The following VAX1 variants were observed in gnomAD, a reference collection of about 807,000 sequenced individuals.
VAX1 encodes ventral anterior homeobox 1.
A neutral mutation model predicts 17.6 loss-of-function variants in VAX1; 6 were observed. That is an observed-to-expected ratio of 0.34 (90% CI 0.19 to 0.67). The LOEUF (loss-of-function observed/expected upper bound fraction) is 0.67. Among genes scored for constraint, VAX1 ranks in the 30% least tolerant of loss-of-function variants. The pLI is 0.69. For missense variants in VAX1, 408 were observed against 463.7 expected (o/e 0.88, Z 1.10); for synonymous variants, 256 against 227.4 (o/e 1.13, Z -1.13).
chr10:117,136,383 G>A lies in VAX1; in HGVS notation c.429+89C>T. On this transcript the variant is annotated intron_variant, in intron 2 of 2. Transcript: ENST00000369206. This position sits in a 1 kb window ranked among gnomAD's most constrained non-coding sequence, Gnocchi z 5.0. ...CACCTCCCAAGGGTAGTTCTGTCCA[G>A]AGCAGGTTAGGAGGTGAAGAGCAGG... The A allele has an allele frequency of 6.6e-7, 1 of 1,525,910 alleles. No individual in the cohort carries two copies. Among genetic ancestry groups the A allele is most frequent in the South Asian group, 1.2e-5 (1 of 86,764 alleles). The allele number at this position is 1,525,910 out of a possible 1,614,324, so 94.5% of individuals were successfully genotyped here.
At position 117,134,276 on chromosome 10, in the gene VAX1, G is replaced by A. The variant is rs1267022885; in HGVS notation, c.737C>T (p.Ala246Val). The change falls in exon 3 of 3, where the codon GCT becomes GTT. Residue 246 changes from alanine to valine, a missense_variant. Ala to Val is a moderately conservative substitution (Grantham distance 64). Transcript: ENST00000369206. The surrounding 1 kb of genome is among the most constrained non-coding windows in gnomAD (Gnocchi z 6.2). ...CCCGGGACCTGGAGCACCGCCCACA[G>A]CCGGCGGGTGCGGGGATGCAGCGCC... ...PAGAASPHPP[A>V]VGGAPGPGPA... The A allele has an allele frequency of 7.9e-7, 1 of 1,259,792 alleles. No homozygotes were observed. The highest frequency in any genetic ancestry group is 9.9e-7 in the Non-Finnish European group (1 of 1,007,072). The allele number at this position is 1,259,792 out of a possible 1,614,324, so 78.0% of individuals were successfully genotyped here. A position where few individuals can be genotyped will look rare whatever the true frequency, so the allele number is the denominator to read the frequency against.
At chr10:117,131,564 GC>G (rs1854084751), downstream of VAX1, 1 of 152,354 alleles carries the variant, frequency 6.6e-6, no homozygotes, top group Admixed American at 6.5e-5. Context: ...TAGGGCCGGT[GC>G]CGCACGGGAG....
At position 117,137,100 on chromosome 10, in the gene VAX1, G is replaced by C. The variant is rs751232; in HGVS notation, c.242-441C>G. Among the ~76,000 whole-genome samples, 28,830 of 146,370 alleles carry C rather than the reference G, an allele frequency of 0.2. 2,934 individuals carry two copies. The highest frequency in any genetic ancestry group is 0.32 in the East Asian group (1,490 of 4,690). On this transcript the variant is annotated intron_variant, in intron 1 of 2. Coordinates refer to ENST00000369206, the MANE Select transcript of VAX1 (RefSeq NM_001112704.2). The surrounding 1 kb of genome is among the most constrained non-coding windows in gnomAD (Gnocchi z 7.4). ...CCCACCCTCGAGTCTCCTTCCCTCC[G>C]GAGTCCGCGCGGCGGAAGGAGGAGG...
Position 117,133,843 on chromosome 10 carries a change from G to T in VAX1, c.*165C>A. 3 of 1,333,622 alleles carry T rather than the reference G, an allele frequency of 2.2e-6. No homozygotes were observed. Among genetic ancestry groups the T allele is most frequent in the Non-Finnish European group, 1.9e-6 (2 of 1,049,846 alleles). 82.6% of individuals were successfully genotyped at this position (1,333,622 alleles called of 1,614,324 possible). A position where few individuals can be genotyped will look rare whatever the true frequency, so the allele number is the denominator to read the frequency against. On this transcript the variant is annotated 3_prime_UTR_variant, in exon 3 of 3. Coordinates refer to ENST00000369206, the MANE Select transcript of VAX1 (RefSeq NM_001112704.2). ...AGGTAGTAGAAAAAAAAAATAGCCC[G>T]AATGAGATGAAATTGGTAGCAGAGT...
chr10:117,136,517 G>C lies in VAX1; in HGVS notation c.384C>G (p.Arg128=). 1 of 1,613,864 alleles carries C rather than the reference G, an allele frequency of 6.2e-7. No individual in the cohort carries two copies. The highest frequency in any genetic ancestry group is 8.5e-7 in the Non-Finnish European group (1 of 1,180,020). The part of the protein sequence containing the change: ...EFQRCQYVVG[R]ERTELARQLN... ...GCTGCCGGGCGAGCTCGGTCCTCTC[G>C]CGGCCCACCACGTACTGGCAGCGCT... Residue 128 remains arginine (R), a synonymous_variant, in exon 2 of 3, where the codon CGC becomes CGG. Coordinates refer to ENST00000369206, the MANE Select transcript of VAX1 (RefSeq NM_001112704.2). This position sits in a 1 kb window ranked among gnomAD's most constrained non-coding sequence, Gnocchi z 5.0.
chr10:117,137,776 G>C lies in VAX1; in HGVS notation c.241+40C>G, dbSNP rs755498762. 6.2e-7 allele frequency: 1 copy of C among 1,608,916 alleles called. No individual in the cohort carries two copies. The highest frequency in any genetic ancestry group is 1.1e-5 in the South Asian group (1 of 90,810). On this transcript the variant is annotated intron_variant, in intron 1 of 2. Transcript: ENST00000369206. The surrounding 1 kb of genome is among the most constrained non-coding windows in gnomAD (Gnocchi z 7.4). Reference sequence around the variant, plus strand: ...AGCGCGCAGCTCCGGCCCCGGAGTCGACCCCAAAGAACGCGCCTGGCAGCC... The same window carrying C: ...AGCGCGCAGCTCCGGCCCCGGAGTCCACCCCAAAGAACGCGCCTGGCAGCC...
rs1854152864 is a variant in VAX1, at chr10:117,134,942, T to G, written c.430-359A>C. Among the ~76,000 whole-genome samples the G allele has an allele frequency of 6.6e-6, 1 of 152,190 alleles. No homozygotes were observed. Among genetic ancestry groups the G allele is most frequent in the African/African-American group, 2.4e-5 (1 of 41,526 alleles). On this transcript the variant is annotated intron_variant, in intron 2 of 2. Coordinates refer to ENST00000369206, the MANE Select transcript of VAX1 (RefSeq NM_001112704.2). This position sits in a 1 kb window ranked among gnomAD's most constrained non-coding sequence, Gnocchi z 6.2. Reference sequence around the variant, plus strand: ...CAGCGGTGTTTGGGGCTCACAGATGTGTGAATCAGTGCAGTCCCAAAGCCG... The same window carrying G: ...CAGCGGTGTTTGGGGCTCACAGATGGGTGAATCAGTGCAGTCCCAAAGCCG...
downstream of VAX1, among the ~76,000 whole-genome samples, chr10:117,132,797 C>T (rs1854107465): frequency 6.6e-6 from 1 of 152,198 alleles, no homozygotes; most frequent in Non-Finnish European, 1.5e-5. The surrounding 1 kb of genome is among the most constrained non-coding windows in gnomAD (Gnocchi z 4.9). Flanking sequence ...TATCTGGACT[C>T]CGAGACTACT....
chr10:117,133,169 A>T, downstream of VAX1: 2 of 590,206 alleles, frequency 3.4e-6, no homozygotes, highest in Non-Finnish European at 4.3e-6. Flanking sequence ...ATTCCTGTTT[A>T]AAGTTACAAC....
rs1392915509 is a variant in VAX1 at position 117,137,067 on chromosome 10, TCCCCAC to T, written c.242-414_242-409del. On this transcript the variant is annotated intron_variant, in intron 1 of 2. Transcript: ENST00000369206. This position sits in a 1 kb window ranked among gnomAD's most constrained non-coding sequence, Gnocchi z 7.4. ...TGCCGACCAGACCGTGATCCAGACG[TCCCCAC>T]CCCCACCCTCGAGTCTCCTTCCCTC... Among the ~76,000 whole-genome samples, 1 of 151,272 alleles carries T rather than the reference TCCCCAC, an allele frequency of 6.6e-6. No homozygotes were observed. Among genetic ancestry groups the T allele is most frequent in the African/African-American group, 2.4e-5 (1 of 41,082 alleles).
downstream of VAX1, chr10:117,131,228 C>G (rs1235707138): frequency 1.3e-5 from 2 of 152,638 alleles, no homozygotes; most frequent in Admixed American, 6.6e-5. Context: ...GCCCACACCA[C>G]AGAGAGAGAA....
intron 2 of VAX1, among the ~76,000 whole-genome samples, chr10:117,135,932 G>A (rs747602385): frequency 2.0e-5 from 3 of 152,242 alleles, no homozygotes; most frequent in African/African-American, 4.8e-5. Flanking sequence ...TCCTTTAAGG[G>A]TCAGGGCAGC....
rs1341728878 is a variant in VAX1 at position 117,137,880 on chromosome 10, A to G, written c.177T>C (p.Asp59=). 6.2e-7 allele frequency: 1 copy of G among 1,613,654 alleles called. No homozygotes were observed. Residue 59 remains aspartate, a synonymous_variant, in exon 1 of 3, where the codon GAT becomes GAC. Coordinates refer to ENST00000369206, the MANE Select transcript of VAX1 (RefSeq NM_001112704.2). The surrounding 1 kb of genome is among the most constrained non-coding windows in gnomAD (Gnocchi z 7.4). Reference sequence around the variant, plus strand: ...CGGAATTGGATTTACTTTTGTTACAATCCTCAGCAGCGCCCGACGCTGAGA... The same window carrying G: ...CGGAATTGGATTTACTTTTGTTACAGTCCTCAGCAGCGCCCGACGCTGAGA... ...GAFSASGAAE[D]CNKSKSNSAA...
Position 117,133,740 on chromosome 10 carries a change from TCGGGCATTTTTC to T in VAX1, c.*256_*267del, listed in dbSNP as rs1854123125. 9.1e-6 allele frequency: 11 copies of T among 1,207,886 alleles called. No individual in the cohort carries two copies. The highest frequency in any genetic ancestry group is 1.0e-5 in the Non-Finnish European group (10 of 973,876). The allele number at this position is 1,207,886 out of a possible 1,614,324, so 74.8% of individuals were successfully genotyped here. A position where few individuals can be genotyped will look rare whatever the true frequency, so the allele number is the denominator to read the frequency against. ...GGGTCAGGGCATCAGGTTGACTAAC[TCGGGCATTTTTC>T]CCAATTCTTTGGATCGCTCCTGGAT... On this transcript the variant is annotated 3_prime_UTR_variant, in exon 3 of 3. Transcript: ENST00000369206.
At chr10:117,135,042 G>A (rs1406427990) in intron 2 of VAX1, among the ~76,000 whole-genome samples, 1 of 152,210 alleles carries the variant, frequency 6.6e-6, no homozygotes. Flanking sequence ...AGAGGGAAGT[G>A]GGAAGAGAGG....
chr10:117,135,542 C>G (rs1589946877), intron 2 of VAX1, among the ~76,000 whole-genome samples: 1 of 152,214 alleles, frequency 6.6e-6, no homozygotes, highest in South Asian at 2.1e-4. Flanking sequence ...AACTCAAACT[C>G]AAAAAGAACA....
chr10:117,136,598 C>T lies in VAX1; in HGVS notation c.303G>A (p.Lys101=), dbSNP rs1854184067. Reference sequence around the variant, plus strand: ...CCGCGGTGAAGGACGTGCGCGTCCTCTTAGGCCGGTCCAAGTCCAGGCCCT... The same window carrying T: ...CCGCGGTGAAGGACGTGCGCGTCCTTTTAGGCCGGTCCAAGTCCAGGCCCT... The part of the protein sequence containing the change: ...LPKGLDLDRP[K]RTRTSFTAEQ... Residue 101 remains lysine, a synonymous_variant, in exon 2 of 3, where the codon AAG becomes AAA. Coordinates refer to ENST00000369206, the MANE Select transcript of VAX1 (RefSeq NM_001112704.2). This position sits in a 1 kb window ranked among gnomAD's most constrained non-coding sequence, Gnocchi z 5.0. 2 of 1,613,672 alleles carry T rather than the reference C, an allele frequency of 1.2e-6. No homozygotes were observed. Among genetic ancestry groups the T allele is most frequent in the Non-Finnish European group, 8.5e-7 (1 of 1,179,960 alleles).
downstream of VAX1, chr10:117,128,735 C>T (rs2133654840): frequency 6.6e-6 from 1 of 152,270 alleles, no homozygotes. Context: ...GACCTGGTGG[C>T]CTTGCTCCTT....
Position 117,133,603 on chromosome 10 carries a change from A to C in VAX1, c.*405T>G. 3.0e-6 allele frequency: 3 copies of C among 988,832 alleles called. No individual in the cohort carries two copies. Among genetic ancestry groups the C allele is most frequent in the Non-Finnish European group, 3.6e-6 (3 of 832,324 alleles). 61.3% of individuals were successfully genotyped at this position (988,832 alleles called of 1,614,324 possible). On this transcript the variant is annotated 3_prime_UTR_variant, in exon 3 of 3. Coordinates refer to ENST00000369206, the MANE Select transcript of VAX1 (RefSeq NM_001112704.2). Reference sequence around the variant, plus strand: ...GTCTGCGCGCAGTTTTCCTCTTTCAAATATTCCTAGGAATAGTCGGCAGCG... The same window carrying C: ...GTCTGCGCGCAGTTTTCCTCTTTCACATATTCCTAGGAATAGTCGGCAGCG...
Sources: gnomAD v4.1 joint callset for allele counts (sites outside exome capture counted in the v4.1 genomes callset) on GRCh38, gnomAD v4.1.1 for gene constraint, Gnocchi (gnomAD v3.1) non-coding constraint, MANE v1.5 for transcripts, NCBI Gene and HGNC (gene_info 2026-07-23, HGNC 2026-07-21) for gene names.